The following DSCAM variants were observed in gnomAD, a reference collection of about 807,000 sequenced individuals.
The protein encoded by DSCAM is DS cell adhesion molecule, also known as cell adhesion molecule DSCAM.
A neutral mutation model predicts 217.7 loss-of-function variants in DSCAM; 47 were observed. The observed-to-expected ratio is 0.22, with a 90% confidence interval of 0.17 to 0.28. The LOEUF (loss-of-function observed/expected upper bound fraction) is 0.28, where lower values mean the gene tolerates loss of function less well. Ranked by LOEUF, DSCAM falls within the 10% of genes least tolerant of loss-of-function variation. The probability of loss-of-function intolerance (pLI) is 1.00; values close to 1 mark genes in which losing one functional copy is unlikely to be tolerated. For synonymous variants in DSCAM, 1,056 were observed against 1,015.3 expected, an observed-to-expected ratio of 1.04 and a Z score of -0.76; for missense variants, 2,080 against 2,618.3, an observed-to-expected ratio of 0.79 and a Z score of 4.49.
intron 1 of DSCAM, among the ~76,000 whole-genome samples, chr21:40,752,509 A>G (rs1301418385): frequency 6.6e-6 from 1 of 152,210 alleles, no homozygotes; most frequent in African/African-American, 2.4e-5. Flanking sequence ...ATGTGATAAA[A>G]TATGCAGTTA....
intron 3 of DSCAM, among the ~76,000 whole-genome samples, chr21:40,482,315 C>A (rs1231332247): frequency 6.6e-6 from 1 of 152,170 alleles, no homozygotes; most frequent in African/African-American, 2.4e-5. Context: ...TAGCTTTATG[C>A]CCTTATAGCT....
chr21:40,385,178 G>A (rs2075070728), intron 3 of DSCAM: 1 of 151,970 alleles, frequency 6.6e-6, no homozygotes. Flanking sequence ...ACTTACATAA[G>A]TATTTTACTA....
chr21:40,159,971 G>A (rs1020890632), intron 16 of DSCAM, among the ~76,000 whole-genome samples: 2 of 152,194 alleles, frequency 1.3e-5, no homozygotes, highest in South Asian at 2.1e-4. Context: ...GGAGATATTT[G>A]CCATCAGAAA....
chr21:40,153,560 G>A (rs2090446537), intron 16 of DSCAM, among the ~76,000 whole-genome samples: 1 of 152,162 alleles, frequency 6.6e-6, no homozygotes, highest in Non-Finnish European at 1.5e-5. Flanking sequence ...GACGGTACAA[G>A]CACAGATGAA....
intron 3 of DSCAM, among the ~76,000 whole-genome samples, chr21:40,572,841 T>A (rs2076818858): frequency 1.3e-5 from 2 of 152,178 alleles, no homozygotes; most frequent in South Asian, 4.1e-4. Context: ...TCATTATAAC[T>A]GATAAAACAA....
intron 3 of DSCAM, among the ~76,000 whole-genome samples, chr21:40,519,616 G>T (rs1324089525): frequency 6.6e-6 from 1 of 152,148 alleles, no homozygotes; most frequent in Admixed American, 6.5e-5. Flanking sequence ...GTAGTGTGAG[G>T]AAGAAATTTC....
intron 11 of DSCAM, among the ~76,000 whole-genome samples, chr21:40,220,483 C>T (rs2091280523): frequency 6.6e-6 from 1 of 152,140 alleles, no homozygotes; most frequent in Non-Finnish European, 1.5e-5. Context: ...GAGGTTAAGA[C>T]ATTTGGTATT....
At chr21:40,225,363 T>C (rs191767106) in intron 11 of DSCAM, among the ~76,000 whole-genome samples, 4 of 152,266 alleles carry the variant, frequency 2.6e-5, no homozygotes, top group Middle Eastern at 3.4e-3. Flanking sequence ...CTCATTGCCA[T>C]CCCAGCCTCT....
chr21:40,593,648 G>C (rs192121742), intron 3 of DSCAM, among the ~76,000 whole-genome samples: 138 of 152,266 alleles, frequency 9.1e-4, no homozygotes, highest in Middle Eastern at 3.4e-3. Context: ...ACCAGGCTAT[G>C]ATGTTTCAAT....
chr21:40,178,869 C>A, intron 15 of DSCAM, 58 bp downstream of exon 15: 1 of 1,604,682 alleles, frequency 6.2e-7, no homozygotes. Flanking sequence ...AGCATCTGAG[C>A]CCTCAAGAGT....
intron 1 of DSCAM, among the ~76,000 whole-genome samples, chr21:40,822,211 C>T (rs370358313): frequency 3.4e-5 from 5 of 147,612 alleles, no homozygotes; most frequent in African/African-American, 1.0e-4. Context: ...CCCAGCTACT[C>T]GGGAGGCTGA....
At chr21:40,570,050 G>C (rs2076794500) in intron 3 of DSCAM, among the ~76,000 whole-genome samples, 1 of 152,160 alleles carries the variant, frequency 6.6e-6, no homozygotes, top group African/African-American at 2.4e-5. Flanking sequence ...GCCTTCAAAG[G>C]CTGAGGGCAG....
intron 11 of DSCAM, among the ~76,000 whole-genome samples, chr21:40,270,908 G>A (rs777029188): frequency 7.0e-4 from 107 of 152,338 alleles, no homozygotes; most frequent in Admixed American, 9.8e-4. Flanking sequence ...AGGGCAGAAA[G>A]TAAAGGAGGT....
At position 40,106,859 on chromosome 21, in the gene DSCAM, CT is replaced by C. The variant is rs376983552; in HGVS notation, c.3697-12986del. On this transcript the variant is annotated intron_variant, in intron 20 of 32. Coordinates refer to ENST00000400454, the MANE Select transcript of DSCAM (RefSeq NM_001389.5). ...GATTGTACTTGTTTGAATCTTGTCA[CT>C]TTTTTTCTTTATTATCCTAGCTAGT... 2.0e-3 allele frequency among the ~76,000 whole-genome samples: 304 copies of C among 150,740 alleles called. 1 individual carries two copies. The highest frequency in any genetic ancestry group is 7.0e-3 in the African/African-American group (288 of 41,272).
rs778212847 is a variant in DSCAM, at chr21:40,124,276, G to C, written c.3615C>G (p.Val1205=). Residue 1205 remains valine (V), a synonymous_variant, in exon 20 of 33, where the codon GTC becomes GTG. Transcript: ENST00000400454. ...TGAGAGGGGGAAGCCAGGACACAAA[G>C]ACCATGGAGGCTGAGGCCGCCGCTG... The part of the protein sequence containing the change: ...VKAAAASASM[V]FVSWLPPLKL... 1.3e-5 allele frequency: 21 copies of C among 1,614,016 alleles called. No homozygotes were observed. Among genetic ancestry groups the C allele is most frequent in the South Asian group, 2.2e-5 (2 of 91,080 alleles).
At chr21:40,261,719 A>G (rs540937028) in intron 11 of DSCAM, among the ~76,000 whole-genome samples, 1 of 152,184 alleles carries the variant, frequency 6.6e-6, no homozygotes, top group African/African-American at 2.4e-5. Flanking sequence ...ATATACCAAT[A>G]TAAAGAGATA....
chr21:40,804,872 A>G (rs995941996), intron 1 of DSCAM, among the ~76,000 whole-genome samples: 1 of 152,078 alleles, frequency 6.6e-6, no homozygotes, highest in Non-Finnish European at 1.5e-5. Context: ...CCGCTGCTAC[A>G]TTGTACCCCA....
chr21:40,773,163 C>G (rs1447396380), intron 1 of DSCAM, among the ~76,000 whole-genome samples: 1 of 152,236 alleles, frequency 6.6e-6, no homozygotes, highest in African/African-American at 2.4e-5. Flanking sequence ...GTCCCTCGCA[C>G]GAGAACCCCC....
chr21:40,373,165 T>C (rs1000475876), intron 3 of DSCAM, among the ~76,000 whole-genome samples: 2 of 152,156 alleles, frequency 1.3e-5, no homozygotes, highest in African/African-American at 2.4e-5. Context: ...ATAGCAGCAG[T>C]TCTAGAAATC....
Sources: allele counts gnomAD v4.1 joint callset (sites outside exome capture counted in the v4.1 genomes callset), GRCh38; gene constraint gnomAD v4.1.1; transcripts MANE v1.5; gene names NCBI Gene and HGNC (gene_info 2026-07-23, HGNC 2026-07-21).